CIMIP1: variants seen among roughly 807,000 people sequenced by gnomAD.
CIMIP1 encodes low in lung cancer 1.
At chr20:58,156,913 G>A in the CIMIP1 span, among the ~76,000 whole-genome samples, 7 of 152,238 alleles carry the variant, frequency 4.6e-5, no homozygotes, top group Admixed American at 2.0e-4. Flanking sequence ...TGGCATGCTC[G>A]TGGTCTGATG....
the CIMIP1 span, among the ~76,000 whole-genome samples, chr20:58,154,010 G>A: frequency 6.6e-6 from 1 of 152,240 alleles, no homozygotes; most frequent in Non-Finnish European, 1.5e-5. Flanking sequence ...CTTCCCATCT[G>A]TAAAGTGGGA....
At chr20:58,158,374 G>A in the CIMIP1 span, among the ~76,000 whole-genome samples, 12 of 152,290 alleles carry the variant, frequency 7.9e-5, no homozygotes, top group South Asian at 4.1e-4. Context: ...AATGGTGGCC[G>A]GGCCAGTGGC....
chr20:58,155,594 T>C, the CIMIP1 span: 1 of 1,563,826 alleles, frequency 6.4e-7, no homozygotes, highest in Non-Finnish European at 8.8e-7. Flanking sequence ...TAAATACTCA[T>C]TTTTTTAAAA....
chr20:58,154,832 G>A, the CIMIP1 span, among the ~76,000 whole-genome samples: 1 of 152,192 alleles, frequency 6.6e-6, no homozygotes. Context: ...GTTTGAGACA[G>A]GGTCTGGATC....
chr20:58,151,112 C>T, the CIMIP1 span: 1 of 1,357,140 alleles, frequency 7.4e-7, no homozygotes. Context: ...GTTTCCCCAC[C>T]AAGTCCGGGA....
chr20:58,153,494 C>T, the CIMIP1 span: 4 of 1,404,012 alleles, frequency 2.8e-6, no homozygotes, highest in Non-Finnish European at 3.0e-6. Context: ...CCCACAGACC[C>T]CTTGAACCTT....
At chr20:58,155,802 A>G in the CIMIP1 span, among the ~76,000 whole-genome samples, 1 of 152,232 alleles carries the variant, frequency 6.6e-6, no homozygotes, top group East Asian at 1.9e-4. Flanking sequence ...CTGCAGAAGC[A>G]GAGAGAAGGC....
the CIMIP1 span, chr20:58,155,632 C>A: frequency 1.4e-6 from 2 of 1,381,148 alleles, no homozygotes; most frequent in Non-Finnish European, 2.0e-6. Flanking sequence ...AAGAAATAAG[C>A]CCCAGTGGAA....
the CIMIP1 span, among the ~76,000 whole-genome samples, chr20:58,151,760 T>C: frequency 6.6e-6 from 1 of 152,182 alleles, no homozygotes; most frequent in Non-Finnish European, 1.5e-5. Context: ...ATTTGTTAAA[T>C]TTGAATGAAG....
chr20:58,155,440 C>A, the CIMIP1 span: 1 of 1,560,964 alleles, frequency 6.4e-7, no homozygotes, highest in Non-Finnish European at 8.8e-7. Context: ...TCACGTAAGA[C>A]TTCCCATCTC....
the CIMIP1 span, among the ~76,000 whole-genome samples, chr20:58,159,183 CTTTT>C: frequency 1.9e-5 from 2 of 104,084 alleles, no homozygotes; most frequent in Non-Finnish European, 3.7e-5. Flanking sequence ...GCACTTTCTT[CTTTT>C]TTTTTTTTTT....
the CIMIP1 span, chr20:58,160,613 G>C: frequency 6.3e-7 from 1 of 1,579,004 alleles, no homozygotes; most frequent in Non-Finnish European, 8.6e-7. Context: ...TGGGTGCCTC[G>C]TGTCTCTGTG....
At chr20:58,160,077 C>T in the CIMIP1 span, among the ~76,000 whole-genome samples, 1 of 152,238 alleles carries the variant, frequency 6.6e-6, no homozygotes, top group Admixed American at 6.5e-5. Context: ...AGGGGAAAAC[C>T]TGCCTAAACA....
At chr20:58,153,454 A>G in the CIMIP1 span, 1 of 966,018 alleles carries the variant, frequency 1.0e-6, no homozygotes, top group East Asian at 2.4e-5. Flanking sequence ...ACCACTGCCC[A>G]GTCAATGTTC....
chr20:58,154,645 A>T, the CIMIP1 span, among the ~76,000 whole-genome samples: 2 of 152,234 alleles, frequency 1.3e-5, no homozygotes, highest in Non-Finnish European at 2.9e-5. Flanking sequence ...ATGAGTTCTT[A>T]TTAATATAAT....
the CIMIP1 span, among the ~76,000 whole-genome samples, chr20:58,154,823 T>C: frequency 6.6e-6 from 1 of 152,266 alleles, no homozygotes; most frequent in Admixed American, 6.5e-5. Context: ...TTTGTTGTTG[T>C]TTGAGACAGG....
At chr20:58,151,047 C>T in the CIMIP1 span, 253 of 1,593,992 alleles carry the variant, frequency 1.6e-4, no homozygotes, top group Non-Finnish European at 2.1e-4. Flanking sequence ...CGCCTGGGAT[C>T]GGGCAACGCG....
chr20:58,151,450 A>G, the CIMIP1 span, among the ~76,000 whole-genome samples: 1 of 151,574 alleles, frequency 6.6e-6, no homozygotes, highest in Non-Finnish European at 1.5e-5. Flanking sequence ...GTCCTGCTCT[A>G]TCCTCCAGGC....
the CIMIP1 span, among the ~76,000 whole-genome samples, chr20:58,156,330 CT>C: frequency 2.0e-5 from 3 of 152,064 alleles, no homozygotes; most frequent in Admixed American, 1.3e-4. Context: ...GGCACCAGCC[CT>C]AGGAAAAGTA....
Sources: allele counts gnomAD v4.1 joint callset (sites outside exome capture counted in the v4.1 genomes callset), GRCh38; gene constraint gnomAD v4.1.1; transcripts MANE v1.5; gene names NCBI Gene and HGNC (gene_info 2026-07-23, HGNC 2026-07-21).